Variants in AGAP1 observed in about 807,000 individuals in gnomAD.
AGAP1 encodes the protein ArfGAP with GTPase domain, ankyrin repeat and PH domain 1.
Under a neutral mutation model 105.3 loss-of-function variants are expected in AGAP1, and 29 were observed. The ratio of observed to expected loss-of-function variants is 0.28; its 90% CI spans 0.21 to 0.38. AGAP1 has a LOEUF of 0.38. Among genes scored for constraint, AGAP1 ranks in the 10% least tolerant of loss-of-function variants. AGAP1 has a pLI of 1.00. For missense variants in AGAP1, 998 were observed against 1,165.1 expected, an observed-to-expected ratio of 0.86 and a Z score of 2.09; for synonymous variants, 509 against 485.9, an observed-to-expected ratio of 1.05 and a Z score of -0.63.
intron 9 of AGAP1, chr2:235,852,685 G>A (rs904597560): frequency 2.7e-6 from 4 of 1,482,080 alleles, no homozygotes; most frequent in Non-Finnish European, 3.6e-6. Flanking sequence ...TCTCTCCCCA[G>A]GGCCTGCCCT....
In AGAP1 at chr2:236,045,268, G is replaced by T. The variant is rs534780067; in HGVS notation, c.1892-3791G>T. Among the ~76,000 whole-genome samples the T allele has an allele frequency of 6.6e-6, 1 of 152,102 alleles. No individual in the cohort carries two copies. Among genetic ancestry groups the T allele is most frequent in the Non-Finnish European group, 1.5e-5 (1 of 68,014 alleles). On this transcript the variant is annotated intron_variant, in intron 15 of 17. Coordinates refer to ENST00000304032, the MANE Select transcript of AGAP1 (RefSeq NM_001037131.3). The surrounding 1 kb of genome is among the most constrained non-coding windows in gnomAD (Gnocchi z 6.9). ...TCTGTCCTCATAGAATCTACGTCCT[G>T]CATTTCTGTGGGCAGGGATTTTTCT...
At chr2:235,742,574 A>C (rs1952654789) in intron 4 of AGAP1, among the ~76,000 whole-genome samples, 1 of 152,146 alleles carries the variant, frequency 6.6e-6, no homozygotes, top group Admixed American at 6.6e-5. Flanking sequence ...TGGCAGGGCA[A>C]AGTTAGAGGT....
rs1365957220 is a variant in AGAP1 at position 235,751,439 on chromosome 2, C to T, written c.673+951C>T. ...GGGGGCAGAGCAGGGCAGCCACACTCGGGCTCTCCAGAGAGTGCTGGAGCC... is the reference window on the plus strand; with the variant it reads ...GGGGGCAGAGCAGGGCAGCCACACTTGGGCTCTCCAGAGAGTGCTGGAGCC... On this transcript the variant is annotated intron_variant, in intron 6 of 17. Transcript: ENST00000304032. This position sits in a 1 kb window ranked among gnomAD's most constrained non-coding sequence, Gnocchi z 5.3. Among the ~76,000 whole-genome samples, 1 of 152,142 alleles carries T rather than the reference C, an allele frequency of 6.6e-6. No individual in the cohort carries two copies. Among genetic ancestry groups the T allele is most frequent in the African/African-American group, 2.4e-5 (1 of 41,436 alleles).
At chr2:235,542,722 TG>T (rs1379232883) in intron 1 of AGAP1, among the ~76,000 whole-genome samples, 3 of 152,198 alleles carry the variant, frequency 2.0e-5, no homozygotes, top group Non-Finnish European at 4.4e-5. Flanking sequence ...AAAACTAGTT[TG>T]TTGTATTTGC....
At chr2:236,004,801 G>T (rs747432236) in intron 13 of AGAP1, among the ~76,000 whole-genome samples, 12 of 152,182 alleles carry the variant, frequency 7.9e-5, no homozygotes, top group Non-Finnish European at 1.6e-4. Context: ...GCCACAGTAA[G>T]ATTTCAAATT....
intron 6 of AGAP1, among the ~76,000 whole-genome samples, chr2:235,765,407 G>C (rs1181071983): frequency 6.6e-6 from 1 of 152,042 alleles, no homozygotes. Context: ...CCACAGGCCC[G>C]GCCCCTCCAG....
At chr2:236,043,522 T>C (rs908177169) in intron 15 of AGAP1, among the ~76,000 whole-genome samples, 6 of 152,012 alleles carry the variant, frequency 3.9e-5, no homozygotes, top group African/African-American at 1.4e-4. Context: ...AGGTCAGGAG[T>C]TCGAGACCAG....
Position 235,852,982 on chromosome 2 carries a change from G to C in AGAP1, c.1051-30363G>C. On this transcript the variant is annotated intron_variant, in intron 9 of 17. Transcript: ENST00000304032. ...TCCAACAAAGAGGTTACAGGAGGGA[G>C]AGCTGGAGAAATGGAGCGCTCCTCC... 3 of 1,251,682 alleles carry C rather than the reference G, an allele frequency of 2.4e-6. No individual in the cohort carries two copies. In the South Asian group the frequency reaches 1.2e-4, roughly 50 times the overall value. The allele number at this position is 1,251,682 out of a possible 1,614,324, so 77.5% of individuals were successfully genotyped here. A position where few individuals can be genotyped will look rare whatever the true frequency, so the allele number is the denominator to read the frequency against.
At chr2:235,618,224 C>G (rs1946369076) in intron 1 of AGAP1, among the ~76,000 whole-genome samples, 1 of 152,130 alleles carries the variant, frequency 6.6e-6, no homozygotes, top group Non-Finnish European at 1.5e-5. Flanking sequence ...TGACTCAGAG[C>G]TCCAAATACA....
intron 2 of AGAP1, among the ~76,000 whole-genome samples, chr2:235,709,832 G>A (rs1414803493): frequency 1.3e-5 from 2 of 152,122 alleles, no homozygotes; most frequent in Non-Finnish European, 2.9e-5. Flanking sequence ...CTTTCCAGCC[G>A]CTCCCCTCTA....
chr2:235,684,788 C>G (rs1949290372), intron 1 of AGAP1, among the ~76,000 whole-genome samples: 1 of 152,154 alleles, frequency 6.6e-6, no homozygotes, highest in African/African-American at 2.4e-5. Flanking sequence ...GTTGGTATCA[C>G]TCGTCAATCT....
At position 236,121,521 on chromosome 2, in the gene AGAP1, G is replaced by A. The variant is rs1252319294; in HGVS notation, c.2370+1074G>A. On this transcript the variant is annotated intron_variant, in intron 17 of 17. Coordinates refer to ENST00000304032, the MANE Select transcript of AGAP1 (RefSeq NM_001037131.3). This position sits in a 1 kb window ranked among gnomAD's most constrained non-coding sequence, Gnocchi z 4.9. ...TCACCATGTTGGTCAGTCTGGTCTC[G>A]AGCTCCTGACCTCGTGATCCACCCG... Among the ~76,000 whole-genome samples the A allele has an allele frequency of 2.0e-5, 3 of 151,856 alleles. No homozygotes were observed. Among genetic ancestry groups the A allele is most frequent in the South Asian group, 2.1e-4 (1 of 4,798 alleles).
chr2:235,683,687 T>C (rs942060253), intron 1 of AGAP1, among the ~76,000 whole-genome samples: 2 of 151,288 alleles, frequency 1.3e-5, no homozygotes, highest in African/African-American at 4.9e-5. Context: ...TGTTTTTTCT[T>C]TCTCTCTCTC....
At position 235,906,974 on chromosome 2, in the gene AGAP1, C is replaced by G. The variant is rs1049976786; in HGVS notation, c.1156-1764C>G. Among the ~76,000 whole-genome samples the G allele has an allele frequency of 2.8e-4, 43 of 152,104 alleles. No homozygotes were observed. The highest frequency in any genetic ancestry group is 8.8e-5 in the Non-Finnish European group (6 of 68,014). On this transcript the variant is annotated intron_variant, in intron 10 of 17. Transcript: ENST00000304032. The surrounding 1 kb of genome is among the most constrained non-coding windows in gnomAD (Gnocchi z 5.3). ...GAGGTTACAGTGAGCTGAGTTCATG[C>G]CACTCCACTCCAGCCTGGGCAACAG...
Position 235,619,994 on chromosome 2 carries a change from C to T in AGAP1, c.164-89185C>T, listed in dbSNP as rs146532870. Among the ~76,000 whole-genome samples the T allele has an allele frequency of 8.6e-3, 1,311 of 152,306 alleles. 8 individuals carry two copies. Among genetic ancestry groups the T allele is most frequent in the Non-Finnish European group, 0.012 (850 of 68,012 alleles). On this transcript the variant is annotated intron_variant, in intron 1 of 17. Coordinates refer to ENST00000304032, the MANE Select transcript of AGAP1 (RefSeq NM_001037131.3). Reference sequence around the variant, plus strand: ...GTGGCATGGCTGTCCCAAGGAGACACATGTTACTGTCTCTGTAGCTGCCTG... The same window carrying T: ...GTGGCATGGCTGTCCCAAGGAGACATATGTTACTGTCTCTGTAGCTGCCTG...
Position 235,855,620 on chromosome 2 carries a change from T to G in AGAP1, c.1051-27725T>G. Among the ~76,000 whole-genome samples, 1 of 152,202 alleles carries G rather than the reference T, an allele frequency of 6.6e-6. No individual in the cohort carries two copies. The highest frequency in any genetic ancestry group is 1.9e-4 in the East Asian group (1 of 5,190). Reference sequence around the variant, plus strand: ...TGCCCTGAACTTTTGATTTTGATATTATAAATACACAGCTACTCATCTCAT... The same window carrying G: ...TGCCCTGAACTTTTGATTTTGATATGATAAATACACAGCTACTCATCTCAT... On this transcript the variant is annotated intron_variant, in intron 9 of 17. Coordinates refer to ENST00000304032, the MANE Select transcript of AGAP1 (RefSeq NM_001037131.3). This position sits in a 1 kb window ranked among gnomAD's most constrained non-coding sequence, Gnocchi z 5.0.
intron 11 of AGAP1, among the ~76,000 whole-genome samples, chr2:235,928,065 A>G (rs1184505730): frequency 2.0e-5 from 3 of 152,198 alleles, no homozygotes; most frequent in African/African-American, 7.2e-5. Context: ...AGTGCCTGGC[A>G]CAGCAGTCAG....
At chr2:235,572,939 G>A (rs558038557) in intron 1 of AGAP1, among the ~76,000 whole-genome samples, 1 of 152,050 alleles carries the variant, frequency 6.6e-6, no homozygotes, top group Non-Finnish European at 1.5e-5. Flanking sequence ...GAAGCAGCAC[G>A]AGAGTTGCTG....
At chr2:235,503,158 G>T (rs1433248734) in intron 1 of AGAP1, among the ~76,000 whole-genome samples, 2 of 152,190 alleles carry the variant, frequency 1.3e-5, no homozygotes, top group African/African-American at 2.4e-5. Flanking sequence ...GATTGGTATT[G>T]TCGGAAGTGC....
Sources: allele counts gnomAD v4.1 joint callset (sites outside exome capture counted in the v4.1 genomes callset), GRCh38; gene constraint gnomAD v4.1.1; non-coding constraint Gnocchi (gnomAD v3.1); transcripts MANE v1.5; gene names NCBI Gene and HGNC (gene_info 2026-07-23, HGNC 2026-07-21).